LAMA1: variants seen among roughly 807,000 people sequenced by gnomAD.
The protein encoded by LAMA1 is laminin subunit alpha 1.
In LAMA1, 219 loss-of-function variants were observed where a neutral mutation model predicts 348.7. The observed-to-expected ratio is 0.63, with a 90% CI of 0.56 to 0.70. The LOEUF (loss-of-function observed/expected upper bound fraction) is 0.70. LAMA1 is among the 30% of genes least tolerant of loss of function. LAMA1 has a pLI of 0.00. For missense variants in LAMA1, 3,744 were observed against 3,888.0 expected (o/e 0.96, Z 0.99); for synonymous variants, 1,487 against 1,491.0 (o/e 1.00, Z 0.06).
At chr18:7,063,448 C>T (rs1193966100) in intron 3 of LAMA1, among the ~76,000 whole-genome samples, 2 of 151,968 alleles carry the variant, frequency 1.3e-5, no homozygotes, top group Non-Finnish European at 2.9e-5. Context: ...ATGGTGGTCC[C>T]TCAAAAAATT....
At chr18:7,020,687 T>C (rs1045051865) in intron 19 of LAMA1, among the ~76,000 whole-genome samples, 2 of 152,168 alleles carry the variant, frequency 1.3e-5, no homozygotes, top group African/African-American at 4.8e-5. Context: ...GCTCTAACCG[T>C]CCTTCCTCCA....
At chr18:6,993,033 G>T (rs1023070727) in intron 35 of LAMA1, among the ~76,000 whole-genome samples, 2 of 152,198 alleles carry the variant, frequency 1.3e-5, no homozygotes, top group Non-Finnish European at 2.9e-5. Context: ...AAAAATAAAT[G>T]TTCTCAATAA....
At chr18:7,100,902 C>T (rs1052554189) in intron 1 of LAMA1, among the ~76,000 whole-genome samples, 4 of 152,006 alleles carry the variant, frequency 2.6e-5, no homozygotes, top group African/African-American at 4.8e-5. Flanking sequence ...CCCAGCTACT[C>T]GGGAGTCTGA....
At chr18:7,028,718 C>G (rs762185093) in intron 16 of LAMA1, among the ~76,000 whole-genome samples, 17 of 152,188 alleles carry the variant, frequency 1.1e-4, no homozygotes, top group African/African-American at 2.2e-4. Context: ...AACCTTCCCC[C>G]CCTCATTTAA....
intron 1 of LAMA1, among the ~76,000 whole-genome samples, chr18:7,100,772 G>T (rs559105220): frequency 6.6e-6 from 1 of 152,216 alleles, no homozygotes; most frequent in African/African-American, 2.4e-5. Flanking sequence ...CACTTTGGGG[G>T]GCCGAGACTG....
chr18:7,061,233 T>C (rs1319254353), intron 3 of LAMA1, among the ~76,000 whole-genome samples: 1 of 152,208 alleles, frequency 6.6e-6, no homozygotes, highest in Non-Finnish European at 1.5e-5. Context: ...CTTCCCTTCC[T>C]AGTCTCGATG....
chr18:7,089,182 C>T (rs2058229604), intron 1 of LAMA1, among the ~76,000 whole-genome samples: 1 of 151,934 alleles, frequency 6.6e-6, no homozygotes, highest in African/African-American at 2.4e-5. Context: ...AGTTCGAGAC[C>T]ACCATCAGGA....
At chr18:7,031,680 C>CAAATAAAAAAATAAATAAAT (rs1555656298) in intron 16 of LAMA1, among the ~76,000 whole-genome samples, 1 of 146,626 alleles carries the variant, frequency 6.8e-6, no homozygotes, top group African/African-American at 2.6e-5. Context: ...GACCCTGTCT[C>CAAATAAAAAAATAAATAAAT]AAATAAATAA....
At chr18:6,982,959 T>A (rs1331032623) in intron 40 of LAMA1, 140 bp downstream of exon 40, 1 of 1,102,380 alleles carries the variant, frequency 9.1e-7, no homozygotes, top group Non-Finnish European at 1.4e-6. Context: ...ACACAGATCA[T>A]ATGATGACAG....
chr18:7,104,661 C>A (rs906704052), intron 1 of LAMA1, among the ~76,000 whole-genome samples: 1 of 152,168 alleles, frequency 6.6e-6, no homozygotes, highest in Non-Finnish European at 1.5e-5. Context: ...AGAAGTCCCA[C>A]TCAATAGAGA....
chr18:7,015,270 T>G (rs1039491194), intron 22 of LAMA1, among the ~76,000 whole-genome samples: 2 of 152,122 alleles, frequency 1.3e-5, no homozygotes, highest in Non-Finnish European at 2.9e-5. Flanking sequence ...AGGTGTATTG[T>G]TTTTGTTTTT....
At chr18:6,981,527 T>A (rs1290145971) in intron 41 of LAMA1, among the ~76,000 whole-genome samples, 1 of 152,210 alleles carries the variant, frequency 6.6e-6, no homozygotes, top group Non-Finnish European at 1.5e-5. Context: ...AGCACATGGT[T>A]AAAACGTGAA....
At chr18:7,009,472 T>C (rs1359501866) in intron 26 of LAMA1, 106 bp from the exon 27 acceptor site, 42 of 1,260,714 alleles carry the variant, frequency 3.3e-5, no homozygotes, top group Non-Finnish European at 4.4e-5. Flanking sequence ...AAATGAGCCA[T>C]GTTCTGTGCA....
chr18:7,056,136 G>A (rs192638764), intron 3 of LAMA1, among the ~76,000 whole-genome samples: 85 of 151,820 alleles, frequency 5.6e-4, no homozygotes, highest in Non-Finnish European at 7.4e-4. Context: ...GGAGGACAAC[G>A]GAGAACATCC....
intron 26 of LAMA1, among the ~76,000 whole-genome samples, chr18:7,009,921 C>T (rs947674529): frequency 2.6e-5 from 4 of 152,124 alleles, no homozygotes; most frequent in Non-Finnish European, 4.4e-5. Flanking sequence ...ATTCTCCTGC[C>T]TCAGCCTCCC....
intron 3 of LAMA1, among the ~76,000 whole-genome samples, chr18:7,052,967 C>A (rs1477299808): frequency 6.6e-6 from 1 of 152,154 alleles, no homozygotes; most frequent in Non-Finnish European, 1.5e-5. Flanking sequence ...TTGTAGTGAG[C>A]CGAGATCGTG....
chr18:7,072,673 T>A (rs1212734470), intron 3 of LAMA1, among the ~76,000 whole-genome samples: 1 of 152,154 alleles, frequency 6.6e-6, no homozygotes, highest in Non-Finnish European at 1.5e-5. Context: ...CTGACCACCA[T>A]AATAACAAAA....
chr18:6,951,017 T>C (rs1357039959), intron 57 of LAMA1, 46 bp from the exon 58 acceptor site: 1 of 1,562,866 alleles, frequency 6.4e-7, no homozygotes, highest in East Asian at 2.3e-5. Flanking sequence ...ACTTTTACTT[T>C]TCATTTTTAA....
At chr18:7,003,074 G>A (rs138360495) in intron 29 of LAMA1, among the ~76,000 whole-genome samples, 5 of 151,838 alleles carry the variant, frequency 3.3e-5, no homozygotes, top group Non-Finnish European at 7.4e-5. Context: ...ACAGGTAGGG[G>A]GTCTTGCTAT....
Sources: gnomAD v4.1 joint callset for allele counts (sites outside exome capture counted in the v4.1 genomes callset) on GRCh38, gnomAD v4.1.1 for gene constraint, MANE v1.5 for transcripts, NCBI Gene and HGNC (gene_info 2026-07-23, HGNC 2026-07-21) for gene names.